RIPK4: variants seen among roughly 807,000 people sequenced by gnomAD.
The protein encoded by RIPK4 is receptor-interacting serine/threonine-protein kinase 4.
In RIPK4, 17 loss-of-function variants were observed where a neutral mutation model predicts 42.9. That is an observed-to-expected ratio of 0.40 (90% CI 0.27 to 0.59). RIPK4 has a LOEUF of 0.59. Ranked by LOEUF, RIPK4 falls within the 20% of genes least tolerant of loss-of-function variation. The probability of loss-of-function intolerance (pLI) is 0.47; values close to 1 mark genes in which losing one functional copy is unlikely to be tolerated. For synonymous variants in RIPK4, 498 were observed against 499.1 expected (o/e 1.00, Z 0.03); for missense variants, 897 against 1,104.4 (o/e 0.81, Z 2.66).
chr21:41,743,332 A>G (rs1377874804), intron 7 of RIPK4, among the ~76,000 whole-genome samples: 1 of 152,260 alleles, frequency 6.6e-6, no homozygotes, highest in Non-Finnish European at 1.5e-5. Flanking sequence ...CATCAAAATT[A>G]ACATAAAAAG....
intron 1 of RIPK4, among the ~76,000 whole-genome samples, chr21:41,760,962 T>C (rs2061218664): frequency 6.6e-6 from 1 of 152,198 alleles, no homozygotes; most frequent in African/African-American, 2.4e-5. Flanking sequence ...CAGTGTGCAG[T>C]GCTAGCCTGT....
In RIPK4 at chr21:41,743,974, C is replaced by G. The variant is rs779440926; in HGVS notation, c.1103G>C (p.Gly368Ala). The change falls in exon 7 of 8, where the codon GGG becomes GCG. Residue 368 changes from glycine (G) to alanine (A), a missense_variant. Gly to Ala is a moderately conservative substitution (Grantham distance 60). Coordinates refer to ENST00000332512, the MANE Select transcript of RIPK4 (RefSeq NM_020639.3). ...CGAGGACACCCCCGAGAGCCTCTTCCCACTGCCGGACGATGGCAGCTTGGA... is the reference window on the plus strand; with the variant it reads ...CGAGGACACCCCCGAGAGCCTCTTCGCACTGCCGGACGATGGCAGCTTGGA... ...SESKLPSSGS[G>A]KRLSGVSSVD... The G allele has an allele frequency of 1.2e-6, 2 of 1,613,394 alleles. No homozygotes were observed. Among genetic ancestry groups the G allele is most frequent in the Non-Finnish European group, 1.7e-6 (2 of 1,180,016 alleles).
At position 41,742,048 on chromosome 21, in the gene RIPK4, C is replaced by G; in HGVS notation, c.1196-51G>C. 6.7e-7 allele frequency: 1 copy of G among 1,488,180 alleles called. No individual in the cohort carries two copies. The highest frequency in any genetic ancestry group is 1.4e-5 in the African/African-American group (1 of 71,580). 92.2% of individuals were successfully genotyped at this position (1,488,180 alleles called of 1,614,324 possible). ...CAGAGCGTGGCTGCACATCCAGGGACGTGGCGTCTCTGGGAGCCTGGCTGT... is the reference window on the plus strand; with the variant it reads ...CAGAGCGTGGCTGCACATCCAGGGAGGTGGCGTCTCTGGGAGCCTGGCTGT... On this transcript the variant is annotated intron_variant, in intron 7 of 7. Coordinates refer to ENST00000332512, the MANE Select transcript of RIPK4 (RefSeq NM_020639.3). The surrounding 1 kb of genome is among the most constrained non-coding windows in gnomAD (Gnocchi z 5.1).
rs533380921 is a variant in RIPK4, at chr21:41,743,899, C to T, written c.1178G>A (p.Arg393Gln). The change falls in exon 7 of 8, where the codon CGG becomes CAG. Residue 393 changes from arginine (R) to glutamine (Q), a missense_variant. Transcript: ENST00000332512. ...SRGSLSLSFE[R>Q]EPSTSDLGTT... Reference sequence around the variant, plus strand: ...CCACTCACCGCTGGTTGAAGGTTCCCGCTCAAAGGACAGCGACAGTGATCC... The same window carrying T: ...CCACTCACCGCTGGTTGAAGGTTCCTGCTCAAAGGACAGCGACAGTGATCC... 1.1e-5 allele frequency: 18 copies of T among 1,604,236 alleles called. No homozygotes were observed. The highest frequency in any genetic ancestry group is 1.1e-4 in the African/African-American group (8 of 74,492).
intron 2 of RIPK4, among the ~76,000 whole-genome samples, chr21:41,752,435 AG>A (rs1194687855): frequency 2.0e-5 from 3 of 151,918 alleles, no homozygotes; most frequent in South Asian, 2.1e-4. Flanking sequence ...GCAGGGAGGT[AG>A]GGGGGAAGGC....
rs751123545 is a variant in RIPK4 at position 41,746,232 on chromosome 21, GAC to G, written c.833-372_833-371del. 2.8e-3 allele frequency: 1,705 copies of G among 602,004 alleles called. 22 individuals are homozygous for G. The Middle Eastern group carries it at 0.03, about 11-fold the overall frequency. The allele number at this position is 602,004 out of a possible 1,614,324, so 37.3% of individuals were successfully genotyped here. ...ATCAGGGTGACTTTCCTATGCCAGA[GAC>G]ACATCTGTCCCAGGAAGTCAACTCC... On this transcript the variant is annotated intron_variant, in intron 5 of 7. Coordinates refer to ENST00000332512, the MANE Select transcript of RIPK4 (RefSeq NM_020639.3).
At chr21:41,746,145 G>T (rs554420758) in intron 5 of RIPK4, 4 of 673,558 alleles carry the variant, frequency 5.9e-6, no homozygotes, top group African/African-American at 5.3e-5. Flanking sequence ...AGCACCTGGC[G>T]GATGAGCTCC....
intron 4 of RIPK4, among the ~76,000 whole-genome samples, chr21:41,748,290 AC>A (rs2061177991): frequency 6.6e-6 from 1 of 152,228 alleles, no homozygotes; most frequent in Admixed American, 6.5e-5. Flanking sequence ...GCCCCGACTA[AC>A]AAGGGGCTAG....
rs755081026 is a variant in RIPK4, at chr21:41,741,382, C to T, written c.1811G>A (p.Gly604Glu). The change falls in exon 8 of 8, where the codon GGG becomes GAG. Residue 604 changes from glycine to glutamate, a missense_variant. Gly to Glu is a moderately conservative substitution (Grantham distance 98). Transcript: ENST00000332512. ...GVSVNAQTLD[G>E]RTPLHLAAQR... Reference sequence around the variant, plus strand: ...TGCGGCCAGGTGCAATGGCGTCCTCCCATCCAGCGTCTGGGCGTTCACACT... The same window carrying T: ...TGCGGCCAGGTGCAATGGCGTCCTCTCATCCAGCGTCTGGGCGTTCACACT... 2 of 1,612,492 alleles carry T rather than the reference C, an allele frequency of 1.2e-6. No homozygotes were observed. The highest frequency in any genetic ancestry group is 1.7e-6 in the Non-Finnish European group (2 of 1,179,916).
chr21:41,748,455 T>C (rs2061178448), intron 4 of RIPK4, among the ~76,000 whole-genome samples: 1 of 152,180 alleles, frequency 6.6e-6, no homozygotes, highest in African/African-American at 2.4e-5. Flanking sequence ...GTGACAACTT[T>C]GAGGATGGTG....
intron 3 of RIPK4, 79 bp from the exon 4 acceptor site, chr21:41,749,282 TGAAG>T: frequency 2.9e-6 from 4 of 1,364,490 alleles, no homozygotes; most frequent in South Asian, 1.2e-5. Context: ...GCAACAGGCG[TGAAG>T]ACACCTGTTC....
chr21:41,741,579 C>T lies in RIPK4; in HGVS notation c.1614G>A (p.Arg538=), dbSNP rs1340388243. 3 of 1,611,784 alleles carry T rather than the reference C, an allele frequency of 1.9e-6. No individual in the cohort carries two copies. Among genetic ancestry groups the T allele is most frequent in the African/African-American group, 2.7e-5 (2 of 74,950 alleles). ...ASVNEVDFEG[R]TPMHVACQHG... The stretch of plus-strand genomic sequence containing the variant: ...GCTGGCAGGCCACGTGCATGGGCGT[C>T]CGGCCCTCAAAGTCCACCTCGTTGA... The change falls in exon 8 of 8, where the codon CGG becomes CGA. Residue 538 remains arginine (R), a synonymous_variant. Coordinates refer to ENST00000332512, the MANE Select transcript of RIPK4 (RefSeq NM_020639.3).
chr21:41,743,042 G>C (rs1295565022), intron 7 of RIPK4, among the ~76,000 whole-genome samples: 1 of 152,184 alleles, frequency 6.6e-6, no homozygotes, highest in Non-Finnish European at 1.5e-5. Context: ...CGGGAAGTCT[G>C]TAAGATCCAG....
chr21:41,747,911 T>C (rs577439434), intron 4 of RIPK4, among the ~76,000 whole-genome samples: 1 of 152,318 alleles, frequency 6.6e-6, no homozygotes, highest in South Asian at 2.1e-4. Flanking sequence ...CCTTGAACAG[T>C]AGGACACGAA....
Position 41,766,930 on chromosome 21 carries a change from T to G in RIPK4, c.112A>C (p.Lys38Gln). 1 of 1,610,296 alleles carries G rather than the reference T, an allele frequency of 6.2e-7. No homozygotes were observed. Among genetic ancestry groups the G allele is most frequent in the African/African-American group, 1.3e-5 (1 of 74,440 alleles). ...GTCTTCCAGTGGACATGGCGCACCT[T>G]GTACACCTGCCCGAAGCCGCCCGAG... ...VGSGGFGQVY[K>Q]VRHVHWKTWL... The change falls in exon 1 of 8, where the codon AAG (lysine) becomes CAG (glutamine). Residue 38 changes from lysine (K) to glutamine (Q), a missense_variant. Lys to Gln is a moderately conservative substitution (Grantham distance 53). Transcript: ENST00000332512.
chr21:41,765,315 C>T (rs2061232897), intron 1 of RIPK4, among the ~76,000 whole-genome samples: 2 of 152,204 alleles, frequency 1.3e-5, no homozygotes. Context: ...AACCACAGCA[C>T]CCCTCCTGGC....
At chr21:41,758,564 C>T (rs897339049) in intron 1 of RIPK4, among the ~76,000 whole-genome samples, 4 of 152,318 alleles carry the variant, frequency 2.6e-5, no homozygotes, top group Admixed American at 1.3e-4. Context: ...CTTTTCGATA[C>T]ATACCTAGGA....
Position 41,755,905 on chromosome 21 carries a change from C to T in RIPK4, c.474+620G>A, listed in dbSNP as rs2309105. 0.24 allele frequency among the ~76,000 whole-genome samples: 36,433 copies of T among 152,194 alleles called. 4,700 individuals carry two copies. The highest frequency in any genetic ancestry group is 0.3 in the African/African-American group (12,558 of 41,526). On this transcript the variant is annotated intron_variant, in intron 2 of 7. Transcript: ENST00000332512. The surrounding 1 kb of genome is among the most constrained non-coding windows in gnomAD (Gnocchi z 4.2). ...CAGAGGCAACACTGGTTTTCAGTTA[C>T]ATTATCTCTCTTACTTTTCTGTGTT... is the stretch of plus-strand genomic sequence containing the variant.
intron 2 of RIPK4, among the ~76,000 whole-genome samples, chr21:41,752,435 A>AG (rs1194687855): frequency 6.6e-6 from 1 of 151,918 alleles, no homozygotes; most frequent in African/African-American, 2.4e-5. Context: ...GCAGGGAGGT[A>AG]GGGGGGAAGG....
Sources: gnomAD v4.1 joint callset for allele counts (sites outside exome capture counted in the v4.1 genomes callset) on GRCh38, gnomAD v4.1.1 for gene constraint, Gnocchi (gnomAD v3.1) non-coding constraint, MANE v1.5 for transcripts, NCBI Gene and HGNC (gene_info 2026-07-23, HGNC 2026-07-21) for gene names.